The following BACE2 variants were observed in gnomAD, a reference collection of about 807,000 sequenced individuals.
The protein encoded by BACE2 is 56 kDa aspartic-like protease.
Under a neutral mutation model 46.2 loss-of-function variants are expected in BACE2, and 17 were observed. The observed-to-expected ratio is 0.37, with a 90% CI of 0.25 to 0.55. The LOEUF is 0.55. Ranked by LOEUF, BACE2 falls within the 20% of genes least tolerant of loss-of-function variation. The pLI is 0.82. For missense variants in BACE2, 595 were observed against 698.1 expected (o/e 0.85, Z 1.66); for synonymous variants, 277 against 295.9 (o/e 0.94, Z 0.66).
intron 1 of BACE2, among the ~76,000 whole-genome samples, chr21:41,194,399 T>C (rs1402569961): frequency 6.6e-6 from 1 of 152,160 alleles, no homozygotes; most frequent in African/African-American, 2.4e-5. Flanking sequence ...TAAAACACCT[T>C]CTCAGCTCGC....
chr21:41,232,868 ATTT>A (rs142089135), intron 2 of BACE2, among the ~76,000 whole-genome samples: 2 of 138,010 alleles, frequency 1.4e-5, no homozygotes, highest in Non-Finnish European at 1.6e-5. Context: ...ACAGACTTGA[ATTT>A]TTTTTTTTTT....
chr21:41,168,174 C>A lies in BACE2; in HGVS notation c.-90C>A. 1.3e-6 allele frequency: 1 copy of A among 750,458 alleles called. No individual in the cohort carries two copies. Among genetic ancestry groups the A allele is most frequent in the Non-Finnish European group, 1.7e-6 (1 of 604,680 alleles). The allele number at this position is 750,458 out of a possible 1,614,324, so 46.5% of individuals were successfully genotyped here. On this transcript the variant is annotated 5_prime_UTR_variant, in exon 1 of 9. Transcript: ENST00000330333. The stretch of plus-strand genomic sequence containing the variant: ...GGTGCGCGCCCATCCCTGCCCGCAG[C>A]CCCGCGCGCCGGCCGAGTCGCTGAG...
chr21:41,219,333 C>T (rs1320208906), intron 1 of BACE2, among the ~76,000 whole-genome samples: 1 of 151,988 alleles, frequency 6.6e-6, no homozygotes, highest in African/African-American at 2.4e-5. Flanking sequence ...TATTAAACAC[C>T]AGAAATCTGT....
Position 41,258,830 on chromosome 21 carries a change from G to GT in BACE2, c.1303+1510dup, listed in dbSNP as rs59065012. Among the ~76,000 whole-genome samples the GT allele has an allele frequency of 8.0e-3, 1,224 of 152,260 alleles. 17 individuals carry two copies. Among genetic ancestry groups the GT allele is most frequent in the African/African-American group, 0.027 (1,134 of 41,552 alleles). On this transcript the variant is annotated intron_variant, in intron 8 of 8. Transcript: ENST00000330333. ...GACTTGGAACCCTTCCCATTGTCAT[G>GT]TTTTTTATCTTTGCTATGTGTAAAT...
intron 8 of BACE2, among the ~76,000 whole-genome samples, chr21:41,261,380 G>C (rs1987930962): frequency 6.6e-6 from 1 of 152,054 alleles, no homozygotes; most frequent in Non-Finnish European, 1.5e-5. Context: ...ATATGTTTTT[G>C]GGATGTTTGA....
At chr21:41,248,559 C>A (rs956156956) in intron 6 of BACE2, among the ~76,000 whole-genome samples, 5 of 152,252 alleles carry the variant, frequency 3.3e-5, no homozygotes, top group African/African-American at 1.2e-4. Context: ...AGAAGGGGCT[C>A]TCCCTGTGAT....
At chr21:41,179,756 G>T (rs1434046660) in intron 1 of BACE2, 2 of 877,090 alleles carry the variant, frequency 2.3e-6, no homozygotes, top group Admixed American at 2.4e-5. Flanking sequence ...TGCCTGGTGT[G>T]GGGTGGGGTG....
intron 7 of BACE2, among the ~76,000 whole-genome samples, chr21:41,255,876 A>G (rs1987773572): frequency 6.6e-6 from 1 of 152,250 alleles, no homozygotes. Context: ...CTGGCATAAC[A>G]TCACATAACA....
chr21:41,260,146 G>C (rs1039341497), intron 8 of BACE2, among the ~76,000 whole-genome samples: 1 of 151,080 alleles, frequency 6.6e-6, no homozygotes, highest in Non-Finnish European at 1.5e-5. Context: ...GCCTGTCTTT[G>C]TTTTGTTTTG....
At chr21:41,212,121 T>C (rs1259823342) in intron 1 of BACE2, among the ~76,000 whole-genome samples, 1 of 152,238 alleles carries the variant, frequency 6.6e-6, no homozygotes, top group African/African-American at 2.4e-5. Context: ...TTAGACTGGG[T>C]GGCTTATTGA....
intron 1 of BACE2, among the ~76,000 whole-genome samples, chr21:41,201,266 C>T (rs1053073830): frequency 2.6e-5 from 4 of 152,208 alleles, no homozygotes; most frequent in Non-Finnish European, 4.4e-5. Context: ...CCAGCAGCCC[C>T]GCAGCTCTGA....
intron 8 of BACE2, among the ~76,000 whole-genome samples, chr21:41,267,577 G>A (rs2088391646): frequency 6.6e-6 from 1 of 152,180 alleles, no homozygotes; most frequent in African/African-American, 2.4e-5. Flanking sequence ...CAGGTTGAAA[G>A]TGGATCATCT....
chr21:41,209,669 G>A (rs1986239071), intron 1 of BACE2, among the ~76,000 whole-genome samples: 1 of 152,140 alleles, frequency 6.6e-6, no homozygotes, highest in Admixed American at 6.5e-5. Context: ...AGACAAGGGG[G>A]CTGAGGCTCA....
In BACE2 at chr21:41,193,734, C is replaced by T. The variant is rs748184922; in HGVS notation, c.312+25159C>T. 2.6e-4 allele frequency among the ~76,000 whole-genome samples: 40 copies of T among 152,188 alleles called. No homozygotes were observed. The highest frequency in any genetic ancestry group is 3.4e-3 in the Middle Eastern group (1 of 294). ...TGGGAAAATGACCACAGGATGAGTC[C>T]GAGGACCCACTGGACCCACTGTAAG... is the stretch of plus-strand genomic sequence containing the variant. On this transcript the variant is annotated intron_variant, in intron 1 of 8. Coordinates refer to ENST00000330333, the MANE Select transcript of BACE2 (RefSeq NM_012105.5). The surrounding 1 kb of genome is among the most constrained non-coding windows in gnomAD (Gnocchi z 4.2).
chr21:41,241,079 C>T (rs73366470), intron 3 of BACE2, among the ~76,000 whole-genome samples: 142 of 152,292 alleles, frequency 9.3e-4, no homozygotes, highest in African/African-American at 3.3e-3. Flanking sequence ...CCTACATGAC[C>T]ACCGGCACCC....
Position 41,193,400 on chromosome 21 carries a change from ACAG to A in BACE2, c.312+24826_312+24828del. Among the ~76,000 whole-genome samples, 1 of 152,206 alleles carries A rather than the reference ACAG, an allele frequency of 6.6e-6. No homozygotes were observed. The highest frequency in any genetic ancestry group is 1.5e-5 in the Non-Finnish European group (1 of 68,032). On this transcript the variant is annotated intron_variant, in intron 1 of 8. Coordinates refer to ENST00000330333, the MANE Select transcript of BACE2 (RefSeq NM_012105.5). This position sits in a 1 kb window ranked among gnomAD's most constrained non-coding sequence, Gnocchi z 4.2. ...TTGGAGTCACCACTTGGTTAAGCTT[ACAG>A]TAACCCACTGTCATTCTCCAAGATC...
At chr21:41,237,847 G>A in intron 3 of BACE2, 118 bp downstream of exon 3, 1 of 737,844 alleles carries the variant, frequency 1.4e-6, no homozygotes, top group Non-Finnish European at 2.3e-6. Context: ...AGAACCACGT[G>A]GTGGAAACAG....
intron 3 of BACE2, among the ~76,000 whole-genome samples, chr21:41,238,975 AAAAAG>A (rs1326640147): frequency 2.6e-5 from 4 of 151,048 alleles, no homozygotes; most frequent in South Asian, 2.1e-4. Context: ...AAAAAAAAAA[AAAAAG>A]AACTGCAGAA....
rs376477918 is a variant in BACE2 at position 41,205,105 on chromosome 21, T to C, written c.313-21161T>C. On this transcript the variant is annotated intron_variant, in intron 1 of 8. Coordinates refer to ENST00000330333, the MANE Select transcript of BACE2 (RefSeq NM_012105.5). ...TTCAGTTTGGGCTGATCAGATCCCA[T>C]GCAAAAAGATTACTGTAAAACGAAG... Among the ~76,000 whole-genome samples, 778 of 152,292 alleles carry C rather than the reference T, an allele frequency of 5.1e-3. 4 individuals carry two copies. Among genetic ancestry groups the C allele is most frequent in the Non-Finnish European group, 8.7e-3 (593 of 68,024 alleles).
Sources: allele counts gnomAD v4.1 joint callset (sites outside exome capture counted in the v4.1 genomes callset), GRCh38; gene constraint gnomAD v4.1.1; non-coding constraint Gnocchi (gnomAD v3.1); transcripts MANE v1.5; gene names NCBI Gene and HGNC (gene_info 2026-07-23, HGNC 2026-07-21).